The following RNF38 variants were observed in gnomAD, a reference collection of about 807,000 sequenced individuals.
The protein encoded by RNF38 is ring finger protein 38.
RNF38 carries 15 observed loss-of-function variants against 67.2 expected under a neutral mutation model. The ratio of observed to expected loss-of-function variants is 0.22; its 90% CI spans 0.15 to 0.34. The LOEUF (loss-of-function observed/expected upper bound fraction) is 0.34, where lower values mean the gene tolerates loss of function less well. Among genes scored for constraint, RNF38 ranks in the 10% least tolerant of loss-of-function variants. The pLI, the probability that RNF38 is intolerant of heterozygous loss-of-function variation, is 1.00. For missense variants in RNF38, 524 were observed against 639.9 expected, an observed-to-expected ratio of 0.82 and a Z score of 1.95; for synonymous variants, 220 against 218.8, an observed-to-expected ratio of 1.01 and a Z score of -0.05.
At chr9:36,421,936 G>A (rs1838639545) in intron 2 of RNF38, among the ~76,000 whole-genome samples, 1 of 151,720 alleles carries the variant, frequency 6.6e-6, no homozygotes, top group African/African-American at 2.4e-5. Flanking sequence ...TGATCCTGTT[G>A]AAAGCTATAA....
At chr9:36,374,723 C>T (rs1410512637) in intron 3 of RNF38, among the ~76,000 whole-genome samples, 1 of 152,218 alleles carries the variant, frequency 6.6e-6, no homozygotes, top group Non-Finnish European at 1.5e-5. Flanking sequence ...ACCTCGTGAT[C>T]CGCCAACCTT....
At chr9:36,365,263 T>A (rs960893340) in intron 4 of RNF38, among the ~76,000 whole-genome samples, 3 of 152,118 alleles carry the variant, frequency 2.0e-5, no homozygotes, top group Admixed American at 2.0e-4. Flanking sequence ...GTCAAATCTC[T>A]CATTTAAATA....
chr9:36,387,164 AATAACC>A (rs1228268001), intron 2 of RNF38, among the ~76,000 whole-genome samples: 1 of 152,146 alleles, frequency 6.6e-6, no homozygotes, highest in Non-Finnish European at 1.5e-5. Context: ...ATAATCAAGA[AATAACC>A]ATAAAAATGG....
chr9:36,393,524 G>GTGTGTGTGTGTGTGTGTGTGT (rs1554689613), intron 1 of RNF38, among the ~76,000 whole-genome samples: 10 of 84,298 alleles, frequency 1.2e-4, no homozygotes, highest in Non-Finnish European at 1.9e-4. Flanking sequence ...TGTGTGTGTG[G>GTGTGTGTGTGTGTGTGTGTGT]GGCAGGCAGT....
intron 2 of RNF38, among the ~76,000 whole-genome samples, chr9:36,423,327 G>C (rs1406259045): frequency 1.3e-5 from 2 of 152,126 alleles, no homozygotes; most frequent in African/African-American, 4.8e-5. Context: ...AGCTCACAAA[G>C]ACAGAGACCA....
At chr9:36,374,094 T>C (rs969817677) in intron 3 of RNF38, among the ~76,000 whole-genome samples, 2 of 152,254 alleles carry the variant, frequency 1.3e-5, no homozygotes, top group African/African-American at 4.8e-5. Flanking sequence ...ATGCTTATTA[T>C]ATTTAATAGC....
intron 1 of RNF38, among the ~76,000 whole-genome samples, chr9:36,399,382 C>T (rs1005860206): frequency 1.3e-5 from 2 of 151,546 alleles, no homozygotes; most frequent in Non-Finnish European, 2.9e-5. Flanking sequence ...CTTCAAATCT[C>T]TTAGAAATAA....
intron 4 of RNF38, among the ~76,000 whole-genome samples, chr9:36,366,438 A>G (rs1381181918): frequency 1.3e-5 from 2 of 152,166 alleles, no homozygotes; most frequent in Non-Finnish European, 2.9e-5. Context: ...TGTATCTTTT[A>G]AAAAGTTGTT....
At chr9:36,395,400 G>A (rs144087900) in intron 1 of RNF38, among the ~76,000 whole-genome samples, 15 of 151,394 alleles carry the variant, frequency 9.9e-5, no homozygotes, top group Admixed American at 7.2e-4. Context: ...ATGACATAAC[G>A]TACTTCTACA....
intron 1 of RNF38, among the ~76,000 whole-genome samples, chr9:36,459,820 G>A (rs1197856793): frequency 1.3e-5 from 2 of 151,672 alleles, no homozygotes; most frequent in Non-Finnish European, 2.9e-5. Context: ...AGTTTTAACT[G>A]ATTTTAGTGT....
At chr9:36,464,837 A>T (rs748643778) in intron 1 of RNF38, among the ~76,000 whole-genome samples, 1 of 152,200 alleles carries the variant, frequency 6.6e-6, no homozygotes, top group Non-Finnish European at 1.5e-5. Flanking sequence ...ATATATAAAG[A>T]TAACATAAAA....
intron 3 of RNF38, 87 bp from the exon 4 acceptor site, chr9:36,370,019 T>C: frequency 4.6e-6 from 5 of 1,087,456 alleles, no homozygotes; most frequent in Non-Finnish European, 6.6e-6. Flanking sequence ...CTATCAATAG[T>C]ATATGCTAAG....
intron 1 of RNF38, among the ~76,000 whole-genome samples, chr9:36,483,493 G>A (rs1840329030): frequency 6.6e-6 from 1 of 152,154 alleles, no homozygotes. Flanking sequence ...TTCACTATCA[G>A]AAAGCCTCAG....
intron 1 of RNF38, among the ~76,000 whole-genome samples, chr9:36,452,876 A>T (rs2134342741): frequency 6.6e-6 from 1 of 152,278 alleles, no homozygotes. Flanking sequence ...TTGTATGGGC[A>T]TACTAATTTT....
chr9:36,418,138 C>A (rs1422790006), intron 2 of RNF38, among the ~76,000 whole-genome samples: 1 of 151,200 alleles, frequency 6.6e-6, no homozygotes, highest in Non-Finnish European at 1.5e-5. Flanking sequence ...AAGTAATCTT[C>A]CCGCCTCAGC....
intron 2 of RNF38, 104 bp from the exon 3 acceptor site, chr9:36,376,231 T>C: frequency 1.2e-6 from 1 of 869,160 alleles, no homozygotes; most frequent in Non-Finnish European, 1.7e-6. Flanking sequence ...AATCTAAAAA[T>C]GTAAAGCGGG....
At chr9:36,411,891 T>A (rs1838335756) in intron 2 of RNF38, among the ~76,000 whole-genome samples, 1 of 152,076 alleles carries the variant, frequency 6.6e-6, no homozygotes, top group Non-Finnish European at 1.5e-5. Context: ...ATTATTCGCC[T>A]TATAAAGAAA....
At chr9:36,423,860 A>T (rs1472566342) in intron 2 of RNF38, among the ~76,000 whole-genome samples, 1 of 63,494 alleles carries the variant, frequency 1.6e-5, no homozygotes, top group Non-Finnish European at 3.9e-5. Flanking sequence ...GAGGCAGGAG[A>T]ATGGCGTGAA....
chr9:36,365,975 G>C (rs950868387), intron 4 of RNF38, among the ~76,000 whole-genome samples: 1 of 152,034 alleles, frequency 6.6e-6, no homozygotes, highest in Non-Finnish European at 1.5e-5. Context: ...AAGACTGATA[G>C]TTAACTTCTT....
Sources: gnomAD v4.1 joint callset for allele counts (sites outside exome capture counted in the v4.1 genomes callset) on GRCh38, gnomAD v4.1.1 for gene constraint, MANE v1.5 for transcripts, NCBI Gene and HGNC (gene_info 2026-07-23, HGNC 2026-07-21) for gene names.